Variants in TAFA4 observed in about 807,000 individuals in gnomAD.
TAFA4 encodes the protein chemokine-like protein TAFA-4.
A neutral mutation model predicts 21.1 loss-of-function variants in TAFA4; 20 were observed. That is an observed-to-expected ratio of 0.95 (90% CI 0.67 to 1.38). The LOEUF is 1.38. Among genes scored for constraint, TAFA4 ranks in the 40% most tolerant of loss-of-function variants. The probability of loss-of-function intolerance (pLI) is 0.00; values close to 1 mark genes in which losing one functional copy is unlikely to be tolerated. For synonymous variants in TAFA4, 71 were observed against 67.4 expected (o/e 1.05, Z -0.26); for missense variants, 211 against 180.9 (o/e 1.17, Z -0.95).
intron 3 of TAFA4, among the ~76,000 whole-genome samples, chr3:68,827,353 CAT>C (rs1297780862): frequency 6.6e-6 from 1 of 152,098 alleles, no homozygotes; most frequent in Non-Finnish European, 1.5e-5. Flanking sequence ...CATATGTGTG[CAT>C]ATGTCTTTAT....
chr3:68,905,156 T>G (rs2089886907), intron 1 of TAFA4, among the ~76,000 whole-genome samples: 1 of 142,346 alleles, frequency 7.0e-6, no homozygotes, highest in Non-Finnish European at 1.5e-5. Flanking sequence ...CTGCCTTTTT[T>G]TTTTTTTTTT....
intron 1 of TAFA4, chr3:68,913,836 T>C (rs1452789057): frequency 6.6e-6 from 1 of 152,248 alleles, no homozygotes; most frequent in Non-Finnish European, 1.5e-5. Context: ...TACCTCATCA[T>C]TCTATACCTC....
At chr3:68,846,925 G>T (rs1223060425) in intron 3 of TAFA4, among the ~76,000 whole-genome samples, 10 of 117,128 alleles carry the variant, frequency 8.5e-5, no homozygotes, top group African/African-American at 2.1e-4. Flanking sequence ...CCAGATGCCA[G>T]CCGCTCTCCT....
intron 3 of TAFA4, among the ~76,000 whole-genome samples, chr3:68,828,240 C>A (rs1704299641): frequency 6.6e-6 from 1 of 152,160 alleles, no homozygotes; most frequent in African/African-American, 2.4e-5. Flanking sequence ...GTCTATATCT[C>A]TGTTTTGGTA....
chr3:68,748,603 G>A (rs1366770298), intron 4 of TAFA4, among the ~76,000 whole-genome samples: 5 of 152,110 alleles, frequency 3.3e-5, no homozygotes, highest in African/African-American at 1.2e-4. Context: ...AATTAGCCAG[G>A]CATGGTGGCA....
chr3:68,762,344 A>T (rs999622801), intron 3 of TAFA4, among the ~76,000 whole-genome samples: 1 of 152,208 alleles, frequency 6.6e-6, no homozygotes, highest in African/African-American at 2.4e-5. Context: ...GAGAGAAATG[A>T]GAATGCCACC....
chr3:68,769,505 G>A (rs980295685), intron 3 of TAFA4, among the ~76,000 whole-genome samples: 11 of 152,146 alleles, frequency 7.2e-5, no homozygotes, highest in Non-Finnish European at 1.6e-4. Flanking sequence ...CTGTTCTACT[G>A]CACAGTAGGG....
intron 3 of TAFA4, 34 bp from the exon 4 acceptor site, chr3:68,753,052 T>C: frequency 6.3e-7 from 1 of 1,599,072 alleles, no homozygotes; most frequent in Non-Finnish European, 8.6e-7. Context: ...ACAAACCCAG[T>C]GCTGTTAGAA....
intron 3 of TAFA4, among the ~76,000 whole-genome samples, chr3:68,784,779 C>T: frequency 6.6e-6 from 1 of 152,270 alleles, no homozygotes; most frequent in African/African-American, 2.4e-5. Context: ...TTGGTAGAGC[C>T]CAGTGGTTCT....
At chr3:68,777,678 A>G (rs1457162310) in intron 3 of TAFA4, among the ~76,000 whole-genome samples, 2 of 152,166 alleles carry the variant, frequency 1.3e-5, no homozygotes, top group African/African-American at 4.8e-5. Context: ...AGAATATATA[A>G]AAGTAGAGAA....
intron 1 of TAFA4, among the ~76,000 whole-genome samples, chr3:68,897,410 G>C (rs1007728770): frequency 2.0e-5 from 3 of 151,872 alleles, no homozygotes; most frequent in Non-Finnish European, 4.4e-5. Flanking sequence ...GCAGACACCT[G>C]AGATCAGGAG....
chr3:68,830,073 TC>T (rs201577945), intron 3 of TAFA4, among the ~76,000 whole-genome samples: 2,639 of 152,296 alleles, frequency 0.017, 88 homozygotes, highest in East Asian at 0.11. Flanking sequence ...TTGATTCTTC[TC>T]TCTTTTCTTC....
chr3:68,767,122 T>C (rs1365390829), intron 3 of TAFA4, among the ~76,000 whole-genome samples: 1 of 152,166 alleles, frequency 6.6e-6, no homozygotes, highest in Non-Finnish European at 1.5e-5. Flanking sequence ...GGATGAATTG[T>C]ATAGTGGTGA....
chr3:68,762,436 T>G lies in TAFA4; in HGVS notation c.131-9418A>C, dbSNP rs552128624. Among the ~76,000 whole-genome samples the G allele has an allele frequency of 1.8e-4, 27 of 152,258 alleles. 2 individuals carry two copies. The South Asian group carries it at 4.8e-3, about 27-fold the overall frequency. On this transcript the variant is annotated intron_variant, in intron 3 of 5. Transcript: ENST00000295569. ...GTGTATGCTATGGGGGAAAATCTCA[T>G]AGAGATGTCTGAATAGGTAGAAGGA...
intron 5 of TAFA4, 54 bp downstream of exon 5, chr3:68,739,021 A>G (rs892657091): frequency 5.6e-6 from 9 of 1,599,190 alleles, no homozygotes; most frequent in Non-Finnish European, 7.7e-6. Context: ...TCAAGGGGAG[A>G]AAGCCCCACA....
At chr3:68,795,045 G>A (rs907516318) in intron 3 of TAFA4, among the ~76,000 whole-genome samples, 15 of 128,228 alleles carry the variant, frequency 1.2e-4, no homozygotes, top group African/African-American at 3.8e-4. Context: ...CAGACACACA[G>A]TCTTTTTGTC....
At chr3:68,906,805 G>A (rs1436774930) in intron 1 of TAFA4, among the ~76,000 whole-genome samples, 1 of 151,960 alleles carries the variant, frequency 6.6e-6, no homozygotes, top group Non-Finnish European at 1.5e-5. Flanking sequence ...CGAGGCGGGT[G>A]GATCACCTGA....
At chr3:68,863,896 T>C (rs970830885) in intron 3 of TAFA4, among the ~76,000 whole-genome samples, 8 of 152,102 alleles carry the variant, frequency 5.3e-5, no homozygotes, top group Admixed American at 5.2e-4. Flanking sequence ...GAACAATGTA[T>C]AATGAGCACT....
chr3:68,735,213 C>T (rs1211507843), intron 5 of TAFA4, among the ~76,000 whole-genome samples: 2 of 111,162 alleles, frequency 1.8e-5, no homozygotes, highest in Non-Finnish European at 4.0e-5. Flanking sequence ...AAAAAGGAGG[C>T]AGCAATGGTA....
Sources: gnomAD v4.1 joint callset for allele counts (sites outside exome capture counted in the v4.1 genomes callset) on GRCh38, gnomAD v4.1.1 for gene constraint, MANE v1.5 for transcripts, NCBI Gene and HGNC (gene_info 2026-07-23, HGNC 2026-07-21) for gene names.